The following PTP4A1 variants were observed in gnomAD, a reference collection of about 807,000 sequenced individuals.
PTP4A1 encodes protein tyrosine phosphatase type IVA 1.
Under a neutral mutation model 20.5 loss-of-function variants are expected in PTP4A1, and 9 were observed. That is an observed-to-expected ratio of 0.44 (90% confidence interval 0.26 to 0.77). The LOEUF (loss-of-function observed/expected upper bound fraction) is 0.77, where lower values mean the gene tolerates loss of function less well. PTP4A1 is among the 30% of genes least tolerant of loss of function. The pLI is 0.19. For missense variants in PTP4A1, 137 were observed against 218.8 expected, an observed-to-expected ratio of 0.63 and a Z score of 2.36; for synonymous variants, 78 against 67.4, an observed-to-expected ratio of 1.16 and a Z score of -0.77.
intron 2 of PTP4A1, among the ~76,000 whole-genome samples, chr6:63,529,256 T>C (rs966075144): frequency 2.0e-5 from 3 of 151,130 alleles, no homozygotes; most frequent in Non-Finnish European, 4.4e-5. Context: ...TTTAGACAGG[T>C]GTCTAGGTTC....
At chr6:63,547,187 A>ATTTT (rs543564867) in intron 2 of PTP4A1, among the ~76,000 whole-genome samples, 5 of 133,984 alleles carry the variant, frequency 3.7e-5, no homozygotes, top group African/African-American at 5.5e-5. Flanking sequence ...GTAGGGGGGA[A>ATTTT]TTTTTTTTTT....
At chr6:63,559,866 ATCC>A (rs1776859651) in intron 3 of PTP4A1, among the ~76,000 whole-genome samples, 1 of 152,284 alleles carries the variant, frequency 6.6e-6, no homozygotes, top group Non-Finnish European at 1.5e-5. Flanking sequence ...GGCTCAAACA[ATCC>A]TCCTGCCTTG....
chr6:63,557,125 C>T (rs955952263), intron 3 of PTP4A1, among the ~76,000 whole-genome samples: 2 of 152,130 alleles, frequency 1.3e-5, no homozygotes, highest in African/African-American at 4.8e-5. Context: ...TGGAATTCTT[C>T]AAAGGGTGTG....
At chr6:63,534,995 G>C (rs1379348409) in intron 2 of PTP4A1, among the ~76,000 whole-genome samples, 1 of 152,148 alleles carries the variant, frequency 6.6e-6, no homozygotes, top group Admixed American at 6.5e-5. Context: ...AGGAGGCAGA[G>C]GTTGCAGTGA....
intron 2 of PTP4A1, among the ~76,000 whole-genome samples, chr6:63,541,026 A>G (rs28429630): frequency 2.0e-5 from 3 of 146,464 alleles, no homozygotes; most frequent in Admixed American, 6.9e-5. Flanking sequence ...GGGAATGAAG[A>G]AAGGAAGGAA....
intron 3 of PTP4A1, among the ~76,000 whole-genome samples, chr6:63,557,162 G>A (rs1400732894): frequency 6.6e-6 from 1 of 152,198 alleles, no homozygotes; most frequent in Non-Finnish European, 1.5e-5. Context: ...TTTAAAAAAT[G>A]ATTATCATCA....
intron 2 of PTP4A1, 57 bp from the exon 3 acceptor site, chr6:63,578,380 T>A: frequency 2.6e-6 from 4 of 1,532,152 alleles, no homozygotes; most frequent in Non-Finnish European, 3.5e-6. Context: ...ATATAAAATG[T>A]TGAGTTATAG....
chr6:63,521,826 G>A (rs951848924), exon 1 of PTP4A1: 1 of 152,104 alleles, frequency 6.6e-6, no homozygotes, highest in African/African-American at 2.4e-5. Flanking sequence ...CTCTTAAACA[G>A]GTAATTCTAA....
chr6:63,541,510 G>A (rs796263778), intron 2 of PTP4A1, among the ~76,000 whole-genome samples: 6 of 152,154 alleles, frequency 3.9e-5, no homozygotes, highest in African/African-American at 9.6e-5. Context: ...CCAAGATCTC[G>A]CCATTGCACT....
chr6:63,536,276 G>A (rs1404013271), intron 2 of PTP4A1, among the ~76,000 whole-genome samples: 1 of 152,130 alleles, frequency 6.6e-6, no homozygotes, highest in East Asian at 1.9e-4. Context: ...GTTGCAGTGA[G>A]CTGAAATCCT....
At chr6:63,536,584 C>A (rs528583343) in intron 2 of PTP4A1, among the ~76,000 whole-genome samples, 7 of 152,042 alleles carry the variant, frequency 4.6e-5, no homozygotes, top group Non-Finnish European at 8.8e-5. Flanking sequence ...TAATTTTTAT[C>A]CTGTTTTAAA....
chr6:63,578,572 C>T, intron 3 of PTP4A1, 43 bp downstream of exon 3: 1 of 1,573,422 alleles, frequency 6.4e-7, no homozygotes, highest in Non-Finnish European at 8.6e-7. Context: ...TGCTGTGCTA[C>T]AAAAGTTTAT....
chr6:63,529,712 G>T (rs1215625732), intron 2 of PTP4A1, among the ~76,000 whole-genome samples: 3 of 152,130 alleles, frequency 2.0e-5, no homozygotes, highest in African/African-American at 4.8e-5. Context: ...TGGAGGAAAA[G>T]GTTATGCATT....
chr6:63,543,368 CT>C, intron 2 of PTP4A1, among the ~76,000 whole-genome samples: 1 of 152,264 alleles, frequency 6.6e-6, no homozygotes, highest in Non-Finnish European at 1.5e-5. Flanking sequence ...TTCTTGGCAC[CT>C]TTCAAAAGTT....
intron 2 of PTP4A1, among the ~76,000 whole-genome samples, chr6:63,540,929 G>A (rs976941556): frequency 1.3e-5 from 2 of 151,662 alleles, no homozygotes; most frequent in Non-Finnish European, 2.9e-5. Flanking sequence ...CTAGAACCCC[G>A]GGGGCGGAGG....
intron 2 of PTP4A1, among the ~76,000 whole-genome samples, chr6:63,538,766 A>AC (rs1028536346): frequency 2.0e-5 from 3 of 152,140 alleles, no homozygotes; most frequent in Non-Finnish European, 4.4e-5. Context: ...GATGGGCCCC[A>AC]CCTCCAGAGT....
chr6:63,557,759 T>C (rs1425069736), intron 3 of PTP4A1, among the ~76,000 whole-genome samples: 1 of 152,156 alleles, frequency 6.6e-6, no homozygotes, highest in Admixed American at 6.5e-5. Flanking sequence ...AAGGCAGTCA[T>C]GATCTTGAAG....
intron 3 of PTP4A1, among the ~76,000 whole-genome samples, chr6:63,553,223 C>T (rs999691906): frequency 5.3e-5 from 8 of 152,240 alleles, no homozygotes; most frequent in African/African-American, 1.4e-4. Context: ...CTTAGTTTAA[C>T]GTAATCTGTT....
At chr6:63,556,175 T>A (rs960991729) in intron 3 of PTP4A1, among the ~76,000 whole-genome samples, 2 of 152,196 alleles carry the variant, frequency 1.3e-5, no homozygotes, top group African/African-American at 2.4e-5. Flanking sequence ...AATTTTTTAC[T>A]GTGATTTATT....
Sources: allele counts gnomAD v4.1 joint callset (sites outside exome capture counted in the v4.1 genomes callset), GRCh38; gene constraint gnomAD v4.1.1; transcripts MANE v1.5; gene names NCBI Gene and HGNC (gene_info 2026-07-23, HGNC 2026-07-21).